SLCO4C1: variants seen among roughly 807,000 people sequenced by gnomAD.
The protein encoded by SLCO4C1 is organic anion transporter M1.
A neutral mutation model predicts 72.1 loss-of-function variants in SLCO4C1; 58 were observed. The ratio of observed to expected loss-of-function variants is 0.80; its 90% CI spans 0.65 to 1.00. The LOEUF (loss-of-function observed/expected upper bound fraction) is 1.00. Ranked by LOEUF, SLCO4C1 falls within the 50% of genes least tolerant of loss-of-function variation. SLCO4C1 has a pLI of 0.00. For synonymous variants in SLCO4C1, 297 were observed against 312.5 expected, an observed-to-expected ratio of 0.95 and a Z score of 0.52; for missense variants, 898 against 857.9, an observed-to-expected ratio of 1.05 and a Z score of -0.58.
chr5:102,295,983 G>A lies in SLCO4C1; in HGVS notation c.280C>T (p.His94Tyr). ...TTGCAGCGCTGGAGACATTGAGGAT[G>A]GAAGTTCCTCCAGCCGTAAGACCCC... ...EEGSYGWRNF[H>Y]PQCLQRCNTP... is the part of the protein sequence containing the mutation. Residue 94 changes from histidine (H) to tyrosine (Y), a missense_variant, in exon 1 of 13, where the codon CAT (histidine) becomes TAT (tyrosine). Coordinates refer to ENST00000310954, the MANE Select transcript of SLCO4C1 (RefSeq NM_180991.5). 1 of 1,614,270 alleles carries A rather than the reference G, an allele frequency of 6.2e-7. No homozygotes were observed. The highest frequency in any genetic ancestry group is 8.5e-7 in the Non-Finnish European group (1 of 1,180,048).
chr5:102,290,951 C>T (rs1749538069), intron 2 of SLCO4C1, among the ~76,000 whole-genome samples: 1 of 152,110 alleles, frequency 6.6e-6, no homozygotes, highest in Admixed American at 6.5e-5. Context: ...TGTCACCTCT[C>T]TTTGTCTCAA....
chr5:102,262,484 T>A (rs564369287), intron 4 of SLCO4C1, among the ~76,000 whole-genome samples: 1 of 152,142 alleles, frequency 6.6e-6, no homozygotes, highest in Non-Finnish European at 1.5e-5. Flanking sequence ...TGTCTATTTA[T>A]TTCTTTGAAA....
chr5:102,253,627 T>C (rs1748781310), intron 8 of SLCO4C1, among the ~76,000 whole-genome samples: 1 of 151,958 alleles, frequency 6.6e-6, no homozygotes, highest in African/African-American at 2.4e-5. Context: ...GTCAACATGG[T>C]GAAACCCTGT....
In SLCO4C1 at chr5:102,291,526, G is replaced by A. The variant is rs149116103; in HGVS notation, c.436C>T (p.Leu146=). The A allele has an allele frequency of 4.4e-4, 707 of 1,613,910 alleles. No homozygotes were observed. Among genetic ancestry groups the A allele is most frequent in the Non-Finnish European group, 5.7e-4 (668 of 1,179,976 alleles). ...GAAATATCGTAGCTTGATGAAATCA[G>A]GCCAGTCAGGGAACTCTTCATTTCA... ...RYEMKSSLTG[L]ISSSYDISFC... Residue 146 remains leucine (L), a synonymous_variant, in exon 2 of 13, where the codon CTG becomes TTG. Transcript: ENST00000310954.
At chr5:102,264,656 T>TTTTTTTTTTTTTTTTTTGA (rs1561373605) in intron 3 of SLCO4C1, among the ~76,000 whole-genome samples, 9 of 151,990 alleles carry the variant, frequency 5.9e-5, no homozygotes, top group African/African-American at 2.2e-4. Flanking sequence ...TCTAGCTTTT[T>TTTTTTTTTTTTTTTTTTGA]GAACATATAC....
Position 102,291,321 on chromosome 5 carries a change from CAT to C in SLCO4C1, c.619+20_619+21del. 6.2e-7 allele frequency: 1 copy of C among 1,602,660 alleles called. No homozygotes were observed. Among genetic ancestry groups the C allele is most frequent in the Non-Finnish European group, 8.5e-7 (1 of 1,176,034 alleles). ...ATCCACTTCTTCAGATTAAAACAAA[CAT>C]AAACACAATAGAAACTTACCTTCAA... is the stretch of plus-strand genomic sequence containing the variant. On this transcript the variant is annotated intron_variant, in intron 2 of 12. Transcript: ENST00000310954.
At chr5:102,237,399 T>A (rs567095682) in intron 12 of SLCO4C1, among the ~76,000 whole-genome samples, 1 of 151,870 alleles carries the variant, frequency 6.6e-6, no homozygotes, top group African/African-American at 2.4e-5. Context: ...GTCCAAGAGT[T>A]CGAGACCAGG....
At chr5:102,242,724 T>C (rs1282942060) in intron 10 of SLCO4C1, among the ~76,000 whole-genome samples, 3 of 152,120 alleles carry the variant, frequency 2.0e-5, no homozygotes, top group Non-Finnish European at 4.4e-5. Flanking sequence ...ATTGAGGGCG[T>C]TGGGTGAGAA....
intron 10 of SLCO4C1, among the ~76,000 whole-genome samples, chr5:102,242,123 C>T (rs542999490): frequency 2.0e-5 from 3 of 152,276 alleles, no homozygotes; most frequent in Admixed American, 6.5e-5. Flanking sequence ...TTACCTGACA[C>T]CTGCCCACAG....
At chr5:102,285,648 G>A (rs1749438388) in intron 2 of SLCO4C1, among the ~76,000 whole-genome samples, 1 of 152,128 alleles carries the variant, frequency 6.6e-6, no homozygotes, top group Non-Finnish European at 1.5e-5. Context: ...ATAAAAAATT[G>A]TGATAGTTTT....
At chr5:102,255,973 AG>A (rs11286071) in intron 8 of SLCO4C1, among the ~76,000 whole-genome samples, 52,459 of 151,990 alleles carry the variant, frequency 0.35, 9,397 homozygotes, top group East Asian at 0.53. Flanking sequence ...TGGGTGGCCG[AG>A]CCAGGCAGAT....
At chr5:102,282,916 G>A (rs1383551388) in intron 2 of SLCO4C1, among the ~76,000 whole-genome samples, 1 of 151,842 alleles carries the variant, frequency 6.6e-6, no homozygotes, top group Non-Finnish European at 1.5e-5. Context: ...TTTTGTTTGT[G>A]TGTTCCTATT....
At chr5:102,285,252 C>CAA (rs1749429996) in intron 2 of SLCO4C1, among the ~76,000 whole-genome samples, 1 of 144,488 alleles carries the variant, frequency 6.9e-6, no homozygotes, top group African/African-American at 2.7e-5. Flanking sequence ...TATATACACA[C>CAA]ATATATACAC....
chr5:102,255,895 A>G (rs1056596774), intron 8 of SLCO4C1, among the ~76,000 whole-genome samples: 1 of 152,162 alleles, frequency 6.6e-6, no homozygotes, highest in Admixed American at 6.6e-5. Flanking sequence ...GAAGCATTCA[A>G]CAAATGTTGA....
chr5:102,295,780 C>T, intron 1 of SLCO4C1, 128 bp downstream of exon 1: 1 of 943,138 alleles, frequency 1.1e-6, no homozygotes, highest in Non-Finnish European at 1.5e-6. Context: ...AGTTCCAAAC[C>T]CGGGGCCACC....
intron 10 of SLCO4C1, among the ~76,000 whole-genome samples, chr5:102,241,730 G>T (rs933270189): frequency 1.3e-5 from 2 of 151,744 alleles, no homozygotes; most frequent in Non-Finnish European, 2.9e-5. Flanking sequence ...ATCTTTCACA[G>T]AAATTGAAAA....
At chr5:102,294,073 T>C (rs1433806195) in intron 1 of SLCO4C1, among the ~76,000 whole-genome samples, 2 of 152,140 alleles carry the variant, frequency 1.3e-5, no homozygotes, top group African/African-American at 4.8e-5. Flanking sequence ...AATGCCCAAC[T>C]AGTTTTTGTA....
chr5:102,291,725 T>C, intron 1 of SLCO4C1, 119 bp from the exon 2 acceptor site: 1 of 806,476 alleles, frequency 1.2e-6, no homozygotes, highest in African/African-American at 1.8e-5. Flanking sequence ...GTACCAGTTT[T>C]CAAAGCCTCA....
rs1170278138 is a variant in SLCO4C1 at position 102,239,315 on chromosome 5, A to G, written c.1950T>C (p.Cys650=). ...AAATCCAGCAAGCTCCTTTAATTCC[A>G]CAATCATTTATATCCCAAAGAATAC... ...STCILWDIND[C]GIKGACWIYD... is the part of the protein sequence containing the mutation. The change falls in exon 12 of 13, where the codon TGT becomes TGC. Residue 650 remains cysteine, a synonymous_variant. Transcript: ENST00000310954. 2.5e-6 allele frequency: 4 copies of G among 1,603,692 alleles called. No homozygotes were observed. Among genetic ancestry groups the G allele is most frequent in the Non-Finnish European group, 3.4e-6 (4 of 1,175,156 alleles).
Sources: gnomAD v4.1 joint callset for allele counts (sites outside exome capture counted in the v4.1 genomes callset) on GRCh38, gnomAD v4.1.1 for gene constraint, MANE v1.5 for transcripts, NCBI Gene and HGNC (gene_info 2026-07-23, HGNC 2026-07-21) for gene names.